Variants in TMC5 observed in about 807,000 individuals in gnomAD.
The protein encoded by TMC5 is transmembrane channel like 5.
Under a neutral mutation model 110.5 loss-of-function variants are expected in TMC5, and 86 were observed. The observed-to-expected ratio is 0.78, with a 90% CI of 0.65 to 0.93. The LOEUF (loss-of-function observed/expected upper bound fraction) is 0.93, where lower values mean the gene tolerates loss of function less well. Among genes scored for constraint, TMC5 ranks in the 40% least tolerant of loss-of-function variants. The pLI, the probability that TMC5 is intolerant of heterozygous loss-of-function variation, is 0.00. For synonymous variants in TMC5, 455 were observed against 439.5 expected, an observed-to-expected ratio of 1.04 and a Z score of -0.44; for missense variants, 1,144 against 1,222.8, an observed-to-expected ratio of 0.94 and a Z score of 0.96.
At chr16:19,434,390 G>GATCTATATTATAT (rs1967287707) in intron 2 of TMC5, among the ~76,000 whole-genome samples, 2 of 115,228 alleles carry the variant, frequency 1.7e-5, no homozygotes, top group African/African-American at 6.7e-5. Flanking sequence ...ATATAATATA[G>GATCTATATTATAT]ATATAATATA....
At position 19,463,797 on chromosome 16, in the gene TMC5, A is replaced by T. The variant is rs1309554111; in HGVS notation, c.1258A>T (p.Ser420Cys). Residue 420 changes from serine (S) to cysteine (C), a missense_variant, in exon 8 of 22, where the codon AGC becomes TGC. Ser to Cys is a moderately radical substitution (Grantham distance 112, BLOSUM62 -1). Transcript: ENST00000542583. ...CCAGGCTTATCGGAGATCCAAGAACAGCCTGTCGGAAATTCTGAATTCCAT... is the reference window on the plus strand; with the variant it reads ...CCAGGCTTATCGGAGATCCAAGAACTGCCTGTCGGAAATTCTGAATTCCAT... The part of the protein sequence containing the change: ...ISRAYRRSKN[S>C]LSEILNSISL... 6.2e-7 allele frequency: 1 copy of T among 1,614,216 alleles called. No homozygotes were observed. The highest frequency in any genetic ancestry group is 8.5e-7 in the Non-Finnish European group (1 of 1,180,022).
At chr16:19,484,029 C>G (rs545269645) in intron 15 of TMC5, among the ~76,000 whole-genome samples, 13 of 147,802 alleles carry the variant, frequency 8.8e-5, no homozygotes, top group African/African-American at 2.8e-4. Context: ...CTGCAGTGAA[C>G]AGAGATCACG....
chr16:19,465,732 G>GT (rs1968170655), intron 8 of TMC5, among the ~76,000 whole-genome samples: 2 of 152,168 alleles, frequency 1.3e-5, no homozygotes, highest in African/African-American at 4.8e-5. Context: ...CTATAGGCTT[G>GT]ATTCGTTTCC....
chr16:19,487,611 A>G (rs901958375), intron 17 of TMC5, among the ~76,000 whole-genome samples: 1 of 152,038 alleles, frequency 6.6e-6, no homozygotes, highest in African/African-American at 2.4e-5. Flanking sequence ...CTGAGGCAGG[A>G]GAATCACTTG....
At chr16:19,476,199 TAGTC>T (rs1162561818) in intron 12 of TMC5, among the ~76,000 whole-genome samples, 1 of 152,016 alleles carries the variant, frequency 6.6e-6, no homozygotes, top group Non-Finnish European at 1.5e-5. Flanking sequence ...ATTTAAAAAT[TAGTC>T]AGGCATGGTG....
intron 1 of TMC5, among the ~76,000 whole-genome samples, chr16:19,429,585 C>A (rs1411798344): frequency 6.6e-6 from 1 of 152,204 alleles, no homozygotes; most frequent in Non-Finnish European, 1.5e-5. Context: ...CTGGCAACCA[C>A]TCGTCCATGT....
chr16:19,472,016 C>T, intron 10 of TMC5, 72 bp from the exon 11 acceptor site: 1 of 1,524,484 alleles, frequency 6.6e-7, no homozygotes, highest in Non-Finnish European at 9.0e-7. Context: ...CCGCCTTGGC[C>T]TCCCAAAGTG....
intron 9 of TMC5, among the ~76,000 whole-genome samples, chr16:19,467,764 G>A (rs985234973): frequency 6.6e-6 from 1 of 151,644 alleles, no homozygotes; most frequent in East Asian, 2.0e-4. Flanking sequence ...TTACAGGCGT[G>A]AGCCACTGCG....
At chr16:19,445,904 A>G (rs1967603156) in intron 4 of TMC5, among the ~76,000 whole-genome samples, 1 of 151,870 alleles carries the variant, frequency 6.6e-6, no homozygotes, top group African/African-American at 2.4e-5. Context: ...GGTCCCAGCT[A>G]CTTGGGAGAT....
chr16:19,412,102 C>A (rs1966857095), intron 1 of TMC5, among the ~76,000 whole-genome samples: 1 of 151,410 alleles, frequency 6.6e-6, no homozygotes, highest in African/African-American at 2.4e-5. Context: ...ATTGTTGTCT[C>A]GCTCTGTTGC....
chr16:19,436,452 A>G (rs1967352342), intron 2 of TMC5, among the ~76,000 whole-genome samples: 1 of 152,152 alleles, frequency 6.6e-6, no homozygotes, highest in Admixed American at 6.6e-5. Flanking sequence ...TTGTTAGGCT[A>G]TGGAAGTTTC....
intron 5 of TMC5, among the ~76,000 whole-genome samples, chr16:19,453,810 T>G (rs1237382891): frequency 1.3e-5 from 2 of 152,006 alleles, no homozygotes; most frequent in Non-Finnish European, 2.9e-5. Flanking sequence ...TGATAAAGTA[T>G]AGCTTTGATG....
upstream of TMC5, among the ~76,000 whole-genome samples, chr16:19,414,662 C>T (rs1284787565): frequency 3.3e-5 from 5 of 152,138 alleles, no homozygotes; most frequent in South Asian, 2.1e-4. Flanking sequence ...ATCCCAGAAC[C>T]TTGGGAGGCT....
intron 4 of TMC5, among the ~76,000 whole-genome samples, chr16:19,448,081 G>A (rs992864810): frequency 4.6e-5 from 7 of 151,262 alleles, no homozygotes; most frequent in South Asian, 4.2e-4. Flanking sequence ...ACTTGAACCC[G>A]GGAGGCAGAG....
At chr16:19,425,262 A>T (rs930477808) in intron 1 of TMC5, among the ~76,000 whole-genome samples, 1 of 151,864 alleles carries the variant, frequency 6.6e-6, no homozygotes, top group African/African-American at 2.4e-5. Flanking sequence ...CTAGAAAGGG[A>T]CATCTAATTC....
intron 4 of TMC5, among the ~76,000 whole-genome samples, chr16:19,446,382 GA>G (rs1283075731): frequency 6.6e-6 from 1 of 152,178 alleles, no homozygotes; most frequent in African/African-American, 2.4e-5. Flanking sequence ...CGGCAATGAG[GA>G]AAAAATGTCT....
intron 5 of TMC5, among the ~76,000 whole-genome samples, chr16:19,450,245 C>T (rs1245673172): frequency 2.0e-5 from 3 of 152,082 alleles, no homozygotes; most frequent in Non-Finnish European, 4.4e-5. Context: ...AGGCATTAGC[C>T]CAGGGGGAAT....
intron 6 of TMC5, among the ~76,000 whole-genome samples, chr16:19,461,547 C>T (rs948972933): frequency 5.9e-5 from 9 of 151,838 alleles, no homozygotes; most frequent in African/African-American, 2.2e-4. Context: ...GCACTCCAGC[C>T]TGGGTGACAG....
rs746243915 is a variant in TMC5 at position 19,490,581 on chromosome 16, C to T, written c.2747+13C>T. 9 of 1,613,766 alleles carry T rather than the reference C, an allele frequency of 5.6e-6. No individual in the cohort carries two copies. The South Asian group carries it at 7.7e-5, about 14-fold the overall frequency. ...CCCTCATTGTGCTGTGAGTGTGGTACCCGGGGAATCTAGCAGGGAAAGCCA... is the reference window on the plus strand; with the variant it reads ...CCCTCATTGTGCTGTGAGTGTGGTATCCGGGGAATCTAGCAGGGAAAGCCA... On this transcript the variant is annotated intron_variant, in intron 18 of 21. Coordinates refer to ENST00000542583, the MANE Select transcript of TMC5 (RefSeq NM_001261841.2).
Sources: gnomAD v4.1 joint callset for allele counts (sites outside exome capture counted in the v4.1 genomes callset) on GRCh38, gnomAD v4.1.1 for gene constraint, MANE v1.5 for transcripts, NCBI Gene and HGNC (gene_info 2026-07-23, HGNC 2026-07-21) for gene names.